Variants in RANBP2 observed in about 807,000 individuals in gnomAD.
RANBP2 encodes the protein RAN binding protein 2.
A neutral mutation model predicts 303.6 loss-of-function variants in RANBP2; 57 were observed. The ratio of observed to expected loss-of-function variants is 0.19; its 90% CI spans 0.15 to 0.23. The LOEUF is 0.23. Ranked by LOEUF, RANBP2 falls within the 10% of genes least tolerant of loss-of-function variation. The probability of loss-of-function intolerance (pLI) is 1.00; values close to 1 mark genes in which losing one functional copy is unlikely to be tolerated. For missense variants in RANBP2, 3,138 were observed against 3,780.8 expected, an observed-to-expected ratio of 0.83 and a Z score of 4.46; for synonymous variants, 1,167 against 1,301.5, an observed-to-expected ratio of 0.90 and a Z score of 2.23.
At chr2:108,762,628 C>G (rs1350394816) in intron 19 of RANBP2, among the ~76,000 whole-genome samples, 6 of 126,492 alleles carry the variant, frequency 4.7e-5, no homozygotes, top group Non-Finnish European at 9.8e-5. Flanking sequence ...TTATTTTGAC[C>G]ACAGGCAAGT....
At chr2:109,440,802 T>G in the RANBP2 span, among the ~76,000 whole-genome samples, 1 of 152,146 alleles carries the variant, frequency 6.6e-6, no homozygotes, top group Non-Finnish European at 1.5e-5. Context: ...GAGCACGCCC[T>G]GAGATCTTCA....
At chr2:109,489,612 C>T in the RANBP2 span, among the ~76,000 whole-genome samples, 4 of 152,230 alleles carry the variant, frequency 2.6e-5, no homozygotes, top group Admixed American at 1.3e-4. Flanking sequence ...GGGGATGGCC[C>T]GTCAGCAGCA....
At chr2:109,472,353 G>C in the RANBP2 span, among the ~76,000 whole-genome samples, 3 of 121,012 alleles carry the variant, frequency 2.5e-5, no homozygotes, top group Admixed American at 8.8e-5. Context: ...GTCTCGGGCC[G>C]GTGTGCATGC....
the RANBP2 span, chr2:109,615,946 C>A: frequency 3.1e-6 from 5 of 1,596,358 alleles, no homozygotes; most frequent in Middle Eastern, 3.4e-4. Flanking sequence ...CACACCACAC[C>A]CTCTTTCAGG....
chr2:108,980,169 C>A, the RANBP2 span, among the ~76,000 whole-genome samples: 1 of 152,258 alleles, frequency 6.6e-6, no homozygotes, highest in East Asian at 1.9e-4. Context: ...CAACCTGATA[C>A]TTTACTATTT....
the RANBP2 span, among the ~76,000 whole-genome samples, chr2:109,761,688 A>G: frequency 6.8e-6 from 1 of 147,526 alleles, no homozygotes; most frequent in East Asian, 2.1e-4. Context: ...TCCAACCAGC[A>G]CTATTCAGGT....
chr2:108,915,560 T>G, the RANBP2 span, among the ~76,000 whole-genome samples: 6 of 152,226 alleles, frequency 3.9e-5, no homozygotes, highest in Non-Finnish European at 1.5e-5. Context: ...AATCTTTGCT[T>G]TCTTAATTTA....
the RANBP2 span, among the ~76,000 whole-genome samples, chr2:109,395,018 C>T: frequency 6.6e-6 from 1 of 152,242 alleles, no homozygotes; most frequent in South Asian, 2.1e-4. Flanking sequence ...TGGGATGGCA[C>T]CGGTGCCAAA....
rs528223613 is a variant in RANBP2 at position 108,731,233 on chromosome 2, A to C, written c.253-89A>C. 9 of 1,517,186 alleles carry C rather than the reference A, an allele frequency of 5.9e-6. No individual in the cohort carries two copies. In the East Asian group the frequency reaches 2.2e-4, roughly 38 times the overall value. The allele number at this position is 1,517,186 out of a possible 1,614,324, so 94.0% of individuals were successfully genotyped here. A position where few individuals can be genotyped will look rare whatever the true frequency, so the allele number is the denominator to read the frequency against. On this transcript the variant is annotated intron_variant, in intron 3 of 28. Coordinates refer to ENST00000283195, the MANE Select transcript of RANBP2 (RefSeq NM_006267.5). ...GAATTTTTTAAGGGTTGGAGTGATA[A>C]TTTTTTAACCTTTATATATAAGTAT...
the RANBP2 span, among the ~76,000 whole-genome samples, chr2:109,310,457 C>G: frequency 2.7e-5 from 1 of 36,454 alleles, no homozygotes; most frequent in South Asian, 1.0e-3. Context: ...CAAACACATT[C>G]AAAAGCTAGC....
the RANBP2 span, among the ~76,000 whole-genome samples, chr2:109,268,988 T>C: frequency 6.6e-6 from 1 of 152,340 alleles, no homozygotes; most frequent in South Asian, 2.1e-4. Flanking sequence ...AGGAGGACCT[T>C]CTGAGCCCTA....
At chr2:108,873,490 T>C in the RANBP2 span, 1 of 1,608,498 alleles carries the variant, frequency 6.2e-7, no homozygotes, top group South Asian at 1.1e-5. Flanking sequence ...AGCAACTCTT[T>C]ATTTTTTCGT....
chr2:109,725,351 G>A, the RANBP2 span, among the ~76,000 whole-genome samples: 1 of 152,220 alleles, frequency 6.6e-6, no homozygotes, highest in African/African-American at 2.4e-5. Flanking sequence ...AAGTGGAGGG[G>A]GTGGAAGAGA....
the RANBP2 span, among the ~76,000 whole-genome samples, chr2:109,365,937 A>G: frequency 1.2e-4 from 18 of 152,238 alleles, no homozygotes; most frequent in African/African-American, 4.8e-5. Context: ...TCAGAGTGGA[A>G]ATATACATGT....
At chr2:109,608,030 T>C in the RANBP2 span, among the ~76,000 whole-genome samples, 1 of 152,374 alleles carries the variant, frequency 6.6e-6, no homozygotes, top group African/African-American at 2.4e-5. Context: ...CAGAACTAGC[T>C]ACTAATTTGT....
chr2:109,463,389 GA>G, the RANBP2 span, among the ~76,000 whole-genome samples: 1 of 152,164 alleles, frequency 6.6e-6, no homozygotes, highest in Non-Finnish European at 1.5e-5. Context: ...CTTGCTCTGG[GA>G]CCCAGTCACT....
At chr2:109,760,450 C>G in the RANBP2 span, 1 of 969,202 alleles carries the variant, frequency 1.0e-6, no homozygotes, top group Non-Finnish European at 1.2e-6. Context: ...GGGGCGGCGG[C>G]GGCGGCGGCG....
At chr2:109,176,723 C>G in the RANBP2 span, among the ~76,000 whole-genome samples, 1 of 152,054 alleles carries the variant, frequency 6.6e-6, no homozygotes. Flanking sequence ...GGTCACAGAG[C>G]CAGACCCTGT....
the RANBP2 span, among the ~76,000 whole-genome samples, chr2:109,195,606 C>T: frequency 9.2e-5 from 14 of 152,326 alleles, no homozygotes; most frequent in African/African-American, 3.1e-4. Flanking sequence ...ATTTTTGCAT[C>T]GTTTTCTGGA....
Sources: gnomAD v4.1 joint callset for allele counts (sites outside exome capture counted in the v4.1 genomes callset) on GRCh38, gnomAD v4.1.1 for gene constraint, MANE v1.5 for transcripts, NCBI Gene and HGNC (gene_info 2026-07-23, HGNC 2026-07-21) for gene names.